Variants in OPCML observed in about 807,000 individuals in gnomAD.
The protein encoded by OPCML is opioid binding protein/cell adhesion molecule like, also known as opioid-binding protein/cell adhesion molecule.
Under a neutral mutation model 37.8 loss-of-function variants are expected in OPCML, and 13 were observed. The ratio of observed to expected loss-of-function variants is 0.34; its 90% confidence interval spans 0.22 to 0.55. The LOEUF (loss-of-function observed/expected upper bound fraction) is 0.55, where lower values mean the gene tolerates loss of function less well. Ranked by LOEUF, OPCML falls within the 20% of genes least tolerant of loss-of-function variation. The pLI is 0.91. For missense variants in OPCML, 341 were observed against 435.6 expected (o/e 0.78, Z 1.93); for synonymous variants, 176 against 168.8 (o/e 1.04, Z -0.33).
chr11:133,457,443 G>A lies in OPCML; in HGVS notation c.61+74821C>T, dbSNP rs185692920. Among the ~76,000 whole-genome samples, 327 of 152,234 alleles carry A rather than the reference G, an allele frequency of 2.1e-3. 1 individual carries two copies. The highest frequency in any genetic ancestry group is 7.5e-3 in the African/African-American group (313 of 41,550). ...AGTCCCAACTACTTGGGAGGCTGAG[G>A]AGGGAGGATCACTTGAGCCTGGGAG... On this transcript the variant is annotated intron_variant, in intron 1 of 7. Coordinates refer to ENST00000524381, the MANE Select transcript of OPCML (RefSeq NM_001012393.5).
chr11:132,575,038 TA>T (rs1163607369), intron 3 of OPCML, among the ~76,000 whole-genome samples: 11 of 152,174 alleles, frequency 7.2e-5, no homozygotes, highest in Admixed American at 4.6e-4. Context: ...GTTTTTAAGT[TA>T]AAGTCAGTGT....
intron 4 of OPCML, among the ~76,000 whole-genome samples, chr11:132,471,702 G>A (rs1054522803): frequency 6.6e-6 from 1 of 152,186 alleles, no homozygotes; most frequent in Non-Finnish European, 1.5e-5. Context: ...ATGCATTCCA[G>A]GAGTTGAGAA....
chr11:133,027,284 A>G (rs1035406951), intron 1 of OPCML, among the ~76,000 whole-genome samples: 3 of 152,254 alleles, frequency 2.0e-5, no homozygotes, highest in Admixed American at 2.0e-4. Flanking sequence ...AATCTGTACC[A>G]CATGGGGTTA....
chr11:133,241,221 T>A (rs1940719458), intron 1 of OPCML, among the ~76,000 whole-genome samples: 1 of 152,254 alleles, frequency 6.6e-6, no homozygotes, highest in Admixed American at 6.5e-5. Context: ...GCTTCCTCCA[T>A]CGTTAACACT....
intron 2 of OPCML, among the ~76,000 whole-genome samples, chr11:132,688,513 G>A (rs1326325314): frequency 1.3e-5 from 2 of 152,090 alleles, no homozygotes; most frequent in Non-Finnish European, 2.9e-5. Context: ...ATTAAAGGCT[G>A]TAATTTAGAA....
chr11:132,709,502 T>C (rs1406521255), intron 2 of OPCML, among the ~76,000 whole-genome samples: 1 of 152,192 alleles, frequency 6.6e-6, no homozygotes, highest in Non-Finnish European at 1.5e-5. Context: ...GTGCATTTAG[T>C]TGTCCTTTTT....
intron 3 of OPCML, among the ~76,000 whole-genome samples, chr11:132,541,713 G>T (rs2096357114): frequency 6.6e-6 from 1 of 152,150 alleles, no homozygotes; most frequent in African/African-American, 2.4e-5. Flanking sequence ...ATTTCACACA[G>T]CCTGGAAGAG....
At chr11:133,022,394 A>G (rs1447183706) in intron 1 of OPCML, among the ~76,000 whole-genome samples, 3 of 152,096 alleles carry the variant, frequency 2.0e-5, no homozygotes, top group African/African-American at 7.2e-5. Flanking sequence ...ATACAACTGC[A>G]GTTTCGTTAC....
At chr11:133,075,640 C>G (rs1048928079) in intron 1 of OPCML, among the ~76,000 whole-genome samples, 5 of 152,182 alleles carry the variant, frequency 3.3e-5, no homozygotes, top group African/African-American at 1.2e-4. Context: ...AAAGCACGAT[C>G]CATCTACTCT....
intron 1 of OPCML, among the ~76,000 whole-genome samples, chr11:133,194,203 C>G (rs905030223): frequency 7.5e-6 from 1 of 133,036 alleles, no homozygotes; most frequent in Admixed American, 8.1e-5. Context: ...CCCCTTCCCC[C>G]ACTTTTTTTT....
intron 1 of OPCML, among the ~76,000 whole-genome samples, chr11:133,026,818 AT>A (rs1421561717): frequency 3.5e-4 from 53 of 152,252 alleles, no homozygotes; most frequent in African/African-American, 1.2e-3. Context: ...TTAAAAAAAA[AT>A]ATTAGATTTC....
intron 1 of OPCML, among the ~76,000 whole-genome samples, chr11:133,395,484 T>C (rs1414817656): frequency 6.6e-6 from 1 of 152,226 alleles, no homozygotes; most frequent in African/African-American, 2.4e-5. Context: ...TCCAATGTCC[T>C]GGAAAGTTTC....
At chr11:133,021,576 G>T (rs1947453049) in intron 1 of OPCML, among the ~76,000 whole-genome samples, 1 of 68,856 alleles carries the variant, frequency 1.5e-5, no homozygotes, top group Non-Finnish European at 2.7e-5. Context: ...TTCCTCCTGT[G>T]CTACGGGCAG....
At chr11:132,895,430 C>A (rs1364529683) in intron 2 of OPCML, among the ~76,000 whole-genome samples, 1 of 152,196 alleles carries the variant, frequency 6.6e-6, no homozygotes, top group Non-Finnish European at 1.5e-5. Context: ...GTCTGAATCT[C>A]CTCCCATGTA....
intron 2 of OPCML, among the ~76,000 whole-genome samples, chr11:132,854,608 G>A (rs1002999439): frequency 5.9e-5 from 9 of 152,204 alleles, no homozygotes; most frequent in African/African-American, 2.2e-4. Context: ...GGTTTTAGGA[G>A]CTGTATGGGA....
intron 1 of OPCML, among the ~76,000 whole-genome samples, chr11:133,069,810 AG>A (rs1948496394): frequency 6.6e-6 from 1 of 152,190 alleles, no homozygotes; most frequent in African/African-American, 2.4e-5. Context: ...TTATCATGAT[AG>A]AATTGCTTTT....
chr11:132,559,659 A>G (rs1403379018), intron 3 of OPCML, among the ~76,000 whole-genome samples: 1 of 152,232 alleles, frequency 6.6e-6, no homozygotes, highest in Non-Finnish European at 1.5e-5. Flanking sequence ...GATTACATTA[A>G]CACATGAGGG....
intron 4 of OPCML, among the ~76,000 whole-genome samples, chr11:132,498,106 C>T (rs1465590531): frequency 6.6e-6 from 1 of 152,104 alleles, no homozygotes; most frequent in East Asian, 1.9e-4. Context: ...TAACTCTTGA[C>T]TGCAAAATAA....
At chr11:133,078,052 C>T (rs1948650710) in intron 1 of OPCML, among the ~76,000 whole-genome samples, 2 of 152,182 alleles carry the variant, frequency 1.3e-5, no homozygotes, top group Admixed American at 1.3e-4. Context: ...CTAGCAATTT[C>T]ACTTCTGAGT....
Sources: allele counts gnomAD v4.1 joint callset (sites outside exome capture counted in the v4.1 genomes callset), GRCh38; gene constraint gnomAD v4.1.1; transcripts MANE v1.5; gene names NCBI Gene and HGNC (gene_info 2026-07-23, HGNC 2026-07-21).